The following INPP5A variants were observed in gnomAD, a reference collection of about 807,000 sequenced individuals.
INPP5A encodes inositol polyphosphate-5-phosphatase A, also known as 43 kDa inositol polyphosphate 5-phophatase.
In INPP5A, 14 loss-of-function variants were observed where a neutral mutation model predicts 65.2. The observed-to-expected ratio is 0.21, with a 90% CI of 0.14 to 0.34. The LOEUF is 0.34. Ranked by LOEUF, INPP5A falls within the 10% of genes least tolerant of loss-of-function variation. The probability of loss-of-function intolerance (pLI) is 1.00; values close to 1 mark genes in which losing one functional copy is unlikely to be tolerated. For synonymous variants in INPP5A, 207 were observed against 208.3 expected (o/e 0.99, Z 0.05); for missense variants, 431 against 545.6 (o/e 0.79, Z 2.09).
chr10:132,765,832 C>T lies in INPP5A; in HGVS notation c.963C>T (p.Ile321=). The change falls in exon 12 of 16, where the codon ATC becomes ATT. Residue 321 remains isoleucine, a synonymous_variant. Coordinates refer to ENST00000368594, the MANE Select transcript of INPP5A (RefSeq NM_005539.5). ...AGGACAGACTGTATGAACTGGACAT[C>T]TCGTTCCCTCCCAGGTATGGAACAT... ...VFKDRLYELD[I]SFPPSYPYSE... is the part of the protein sequence containing the mutation. 3.1e-6 allele frequency: 5 copies of T among 1,598,892 alleles called. No individual in the cohort carries two copies. The Admixed American group carries it at 8.3e-5, about 27-fold the overall frequency.
chr10:132,554,056 C>T (rs796301543), intron 1 of INPP5A, among the ~76,000 whole-genome samples: 19 of 112,216 alleles, frequency 1.7e-4, no homozygotes, highest in East Asian at 8.7e-4. Flanking sequence ...TTGAGTAGGA[C>T]AGGGAGGGAG....
chr10:132,683,023 C>CGT (rs1554944979), intron 4 of INPP5A, among the ~76,000 whole-genome samples: 9 of 146,646 alleles, frequency 6.1e-5, no homozygotes, highest in South Asian at 2.2e-4. Flanking sequence ...GTGGAGGGCA[C>CGT]GTCTCCTGTG....
chr10:132,734,015 A>T (rs544096001), intron 9 of INPP5A, among the ~76,000 whole-genome samples: 2 of 152,324 alleles, frequency 1.3e-5, no homozygotes, highest in South Asian at 2.1e-4. Context: ...CCCAGGGCCC[A>T]GGCAGCGTCT....
rs894202616 is a variant in INPP5A at position 132,644,922 on chromosome 10, G to C, written c.118-946G>C. ...GACTCCCATGAGTGGCGAGGTGTGC[G>C]GTGTGGGGCAGTGGCTGGACTGACA... On this transcript the variant is annotated intron_variant, in intron 2 of 15. Coordinates refer to ENST00000368594, the MANE Select transcript of INPP5A (RefSeq NM_005539.5). This position sits in a 1 kb window ranked among gnomAD's most constrained non-coding sequence, Gnocchi z 6.5. Among the ~76,000 whole-genome samples, 7 of 152,274 alleles carry C rather than the reference G, an allele frequency of 4.6e-5. No homozygotes were observed. The East Asian group carries it at 9.7e-4, about 21-fold the overall frequency.
At chr10:132,778,437 C>T (rs1220690909) in intron 13 of INPP5A, among the ~76,000 whole-genome samples, 2 of 150,812 alleles carry the variant, frequency 1.3e-5, no homozygotes, top group Non-Finnish European at 2.9e-5. Flanking sequence ...ACCCAGACTA[C>T]AGGCAGGAGC....
intron 1 of INPP5A, among the ~76,000 whole-genome samples, chr10:132,571,591 C>T (rs1427293442): frequency 1.3e-5 from 2 of 152,248 alleles, no homozygotes; most frequent in Non-Finnish European, 2.9e-5. Context: ...CCTTTATGTG[C>T]CAGATAGTGC....
chr10:132,747,378 A>G (rs956300658), intron 9 of INPP5A, among the ~76,000 whole-genome samples: 10 of 152,260 alleles, frequency 6.6e-5, no homozygotes, highest in African/African-American at 2.4e-4. Flanking sequence ...TCGGAATGTC[A>G]ATGGCCTGCC....
At chr10:132,690,365 C>T in intron 4 of INPP5A, 27 bp from the exon 5 acceptor site, 2 of 1,445,796 alleles carry the variant, frequency 1.4e-6, no homozygotes, top group Non-Finnish European at 1.9e-6. Flanking sequence ...ACCAGTCTCT[C>T]ATTTGATTTC....
chr10:132,704,131 C>A lies in INPP5A; in HGVS notation c.475-4182C>A, dbSNP rs1845493677. On this transcript the variant is annotated intron_variant, in intron 6 of 15. Transcript: ENST00000368594. The surrounding 1 kb of genome is among the most constrained non-coding windows in gnomAD (Gnocchi z 4.5). Reference sequence around the variant, plus strand: ...CCCAAAGCATGTCAGGCCCCCCAGTCCCCCCAGACAGGAGGTGTCGAGGCA... The same window carrying A: ...CCCAAAGCATGTCAGGCCCCCCAGTACCCCCAGACAGGAGGTGTCGAGGCA... Among the ~76,000 whole-genome samples, 1 of 151,910 alleles carries A rather than the reference C, an allele frequency of 6.6e-6. No homozygotes were observed. Among genetic ancestry groups the A allele is most frequent in the South Asian group, 2.1e-4 (1 of 4,808 alleles).
intron 8 of INPP5A, among the ~76,000 whole-genome samples, chr10:132,720,560 G>T (rs1483717897): frequency 2.7e-5 from 4 of 149,194 alleles, no homozygotes; most frequent in African/African-American, 5.0e-5. Context: ...CTGTCTTCAG[G>T]GTTCTGTGGT....
chr10:132,723,324 T>C (rs1186057918), intron 8 of INPP5A, among the ~76,000 whole-genome samples: 1 of 152,176 alleles, frequency 6.6e-6, no homozygotes, highest in East Asian at 1.9e-4. Flanking sequence ...CCGCATTTCC[T>C]CTCTCTCCGC....
intron 4 of INPP5A, among the ~76,000 whole-genome samples, chr10:132,682,827 CAT>C (rs540708746): frequency 1.2e-3 from 174 of 151,268 alleles, no homozygotes; most frequent in African/African-American, 3.7e-3. Flanking sequence ...GTGGAGGACA[CAT>C]GTCTGCCGTG....
At chr10:132,599,262 T>C (rs2071747086) in intron 1 of INPP5A, among the ~76,000 whole-genome samples, 1 of 152,192 alleles carries the variant, frequency 6.6e-6, no homozygotes. Flanking sequence ...CTGGATACAA[T>C]GGAGGTACAG....
At chr10:132,589,047 T>G (rs1220781690) in intron 1 of INPP5A, among the ~76,000 whole-genome samples, 2 of 151,474 alleles carry the variant, frequency 1.3e-5, no homozygotes, top group African/African-American at 4.9e-5. Context: ...CACGTTCTGG[T>G]GTGTGTCGCC....
Position 132,587,791 on chromosome 10 carries a change from A to G in INPP5A, c.76-20124A>G, listed in dbSNP as rs2071564065. Among the ~76,000 whole-genome samples the G allele has an allele frequency of 6.6e-6, 1 of 151,964 alleles. No individual in the cohort carries two copies. Among genetic ancestry groups the G allele is most frequent in the Admixed American group, 6.5e-5 (1 of 15,270 alleles). On this transcript the variant is annotated intron_variant, in intron 1 of 15. Coordinates refer to ENST00000368594, the MANE Select transcript of INPP5A (RefSeq NM_005539.5). The surrounding 1 kb of genome is among the most constrained non-coding windows in gnomAD (Gnocchi z 4.3). ...GAGGCCGAGGCGAGGCGGGCAGATT[A>G]TCTGAGGCCAGGAATTCGTGACTAG...
intron 1 of INPP5A, among the ~76,000 whole-genome samples, chr10:132,581,704 A>G (rs2133300541): frequency 6.6e-6 from 1 of 152,182 alleles, no homozygotes; most frequent in Non-Finnish European, 1.5e-5. Context: ...GTGTCTGTTC[A>G]TATCTTTTGC....
chr10:132,537,834 G>C lies in INPP5A; in HGVS notation c.-263G>C. The C allele has an allele frequency of 2.7e-6, 1 of 364,534 alleles. No individual in the cohort carries two copies. The highest frequency in any genetic ancestry group is 4.9e-6 in the Non-Finnish European group (1 of 204,036). The allele number at this position is 364,534 out of a possible 1,614,324, so 22.6% of individuals were successfully genotyped here. On this transcript the variant is annotated 5_prime_UTR_variant, in exon 1 of 16. Coordinates refer to ENST00000368594, the MANE Select transcript of INPP5A (RefSeq NM_005539.5). ...CGGCGGCTGCGGGAACTTTCCCAGC[G>C]GATCTAATGGCTGCGCGCGGGCCGC...
chr10:132,764,343 G>A (rs1437957882), intron 11 of INPP5A, among the ~76,000 whole-genome samples: 1 of 152,264 alleles, frequency 6.6e-6, no homozygotes, highest in East Asian at 1.9e-4. Context: ...GGTGTGCATG[G>A]TGACCGCACA....
chr10:132,554,054 G>A (rs1364935495), intron 1 of INPP5A, among the ~76,000 whole-genome samples: 1 of 151,770 alleles, frequency 6.6e-6, no homozygotes, highest in Non-Finnish European at 1.5e-5. Context: ...TATTGAGTAG[G>A]ACAGGGAGGG....
Sources: allele counts gnomAD v4.1 joint callset (sites outside exome capture counted in the v4.1 genomes callset), GRCh38; gene constraint gnomAD v4.1.1; non-coding constraint Gnocchi (gnomAD v3.1); transcripts MANE v1.5; gene names NCBI Gene and HGNC (gene_info 2026-07-23, HGNC 2026-07-21).